RBFOX1: variants seen among roughly 807,000 people sequenced by gnomAD.
The protein encoded by RBFOX1 is RNA binding protein fox-1 homolog 1.
RBFOX1 carries 8 observed loss-of-function variants against 57.7 expected under a neutral mutation model. The observed-to-expected ratio is 0.14, with a 90% CI of 0.08 to 0.25. The LOEUF (loss-of-function observed/expected upper bound fraction) is 0.25. Ranked by LOEUF, RBFOX1 falls within the 10% of genes least tolerant of loss-of-function variation. The pLI is 1.00. For synonymous variants in RBFOX1, 326 were observed against 222.4 expected (o/e 1.47, Z -4.15); for missense variants, 611 against 548.5 (o/e 1.11, Z -1.14).
chr16:6,667,340 G>C (rs1477964175), intron 3 of RBFOX1, among the ~76,000 whole-genome samples: 1 of 152,108 alleles, frequency 6.6e-6, no homozygotes, highest in African/African-American at 2.4e-5. Context: ...CTTGAAGCTG[G>C]CTTTGGGAAG....
At chr16:5,253,593 G>T (rs543597197) in intron 1 of RBFOX1, among the ~76,000 whole-genome samples, 1 of 152,210 alleles carries the variant, frequency 6.6e-6, no homozygotes, top group African/African-American at 2.4e-5. Flanking sequence ...CTCTGAGTCC[G>T]TGGCAGCCTC....
chr16:5,307,380 C>T (rs1356736821), intron 1 of RBFOX1, among the ~76,000 whole-genome samples: 1 of 152,196 alleles, frequency 6.6e-6, no homozygotes, highest in East Asian at 1.9e-4. Context: ...CCATCTTCCC[C>T]TCCCTCCCTC....
intron 1 of RBFOX1, among the ~76,000 whole-genome samples, chr16:6,072,434 C>G (rs955479910): frequency 6.6e-6 from 1 of 152,138 alleles, no homozygotes; most frequent in Non-Finnish European, 1.5e-5. Context: ...TATTTCTTTG[C>G]TATCATGACT....
At chr16:6,642,771 A>AT (rs1186932014) in intron 2 of RBFOX1, among the ~76,000 whole-genome samples, 1 of 152,124 alleles carries the variant, frequency 6.6e-6, no homozygotes, top group Non-Finnish European at 1.5e-5. Flanking sequence ...TTTCCTGCCT[A>AT]AGAAGATATT....
At chr16:6,457,582 C>T (rs973601597) in intron 2 of RBFOX1, among the ~76,000 whole-genome samples, 3 of 152,158 alleles carry the variant, frequency 2.0e-5, no homozygotes, top group Non-Finnish European at 4.4e-5. Context: ...TCCTGCAGTG[C>T]CCCAGGACTC....
intron 4 of RBFOX1, among the ~76,000 whole-genome samples, chr16:7,318,399 T>A (rs1027546457): frequency 6.6e-6 from 1 of 152,012 alleles, no homozygotes; most frequent in Admixed American, 6.6e-5. Flanking sequence ...TGAGAGTGAT[T>A]CTGGTTAGAT....
chr16:5,708,767 G>A (rs1162389873), intron 3 of RBFOX1, among the ~76,000 whole-genome samples: 1 of 152,200 alleles, frequency 6.6e-6, no homozygotes, highest in Admixed American at 6.5e-5. Flanking sequence ...CTGAGCCTGG[G>A]AGAGGGCCAT....
chr16:7,348,734 G>C (rs943722951), intron 4 of RBFOX1, among the ~76,000 whole-genome samples: 1 of 152,172 alleles, frequency 6.6e-6, no homozygotes, highest in African/African-American at 2.4e-5. Context: ...CTGAGGTCAG[G>C]AGTTCAAGAC....
At chr16:6,793,131 G>A (rs1480710082) in intron 3 of RBFOX1, among the ~76,000 whole-genome samples, 1 of 152,056 alleles carries the variant, frequency 6.6e-6, no homozygotes, top group Non-Finnish European at 1.5e-5. Flanking sequence ...GCTGTCACCA[G>A]ATTTGGGTAT....
intron 1 of RBFOX1, among the ~76,000 whole-genome samples, chr16:5,258,376 C>G (rs1456220322): frequency 5.9e-5 from 9 of 151,422 alleles, no homozygotes; most frequent in African/African-American, 1.5e-4. Flanking sequence ...GATATTCACC[C>G]CTATGTAATT....
chr16:6,969,487 C>T (rs768241741), intron 3 of RBFOX1, among the ~76,000 whole-genome samples: 1 of 152,018 alleles, frequency 6.6e-6, no homozygotes, highest in Non-Finnish European at 1.5e-5. Context: ...GTAATCCCAG[C>T]ACTTCAGGAG....
chr16:5,676,433 A>G lies in RBFOX1; in HGVS notation c.318+77472A>G, dbSNP rs539623979. On this transcript the variant is annotated intron_variant, in intron 3 of 19. Coordinates refer to the RBFOX1 transcript ENST00000641259. Reference sequence around the variant, plus strand: ...TTAGGAAGTTAAGAGAGCAGACTCAATCTCACATCTCCCTCTCACTAGCTG... The same window carrying G: ...TTAGGAAGTTAAGAGAGCAGACTCAGTCTCACATCTCCCTCTCACTAGCTG... 8.5e-5 allele frequency among the ~76,000 whole-genome samples: 13 copies of G among 152,326 alleles called. No homozygotes were observed. The East Asian group carries it at 2.1e-3, about 25-fold the overall frequency.
intron 2 of RBFOX1, among the ~76,000 whole-genome samples, chr16:6,492,549 A>G (rs2153140263): frequency 6.6e-6 from 1 of 152,290 alleles, no homozygotes; most frequent in Non-Finnish European, 1.5e-5. Flanking sequence ...AGCCTGGGTG[A>G]CAGAGTGAGA....
intron 4 of RBFOX1, among the ~76,000 whole-genome samples, chr16:5,983,378 A>T (rs1197553021): frequency 1.3e-5 from 2 of 152,192 alleles, no homozygotes; most frequent in Admixed American, 6.5e-5. Context: ...TCCGCGGACA[A>T]ATCTAGTTTT....
intron 4 of RBFOX1, among the ~76,000 whole-genome samples, chr16:7,168,171 G>T (rs980431818): frequency 6.6e-6 from 1 of 152,164 alleles, no homozygotes; most frequent in Non-Finnish European, 1.5e-5. Context: ...ATCAATGATG[G>T]CTTTTCTATG....
rs536451135 is a variant in RBFOX1 at position 7,326,424 on chromosome 16, G to A, written c.28-191723G>A. On this transcript the variant is annotated intron_variant, in intron 4 of 15. Coordinates refer to ENST00000550418, the MANE Select transcript of RBFOX1 (RefSeq NM_018723.4). Reference sequence around the variant, plus strand: ...AGTTTTACTGGGGGGATAATAGAATGGAAGCTCGAACAGCAACATCTGTAT... The same window carrying A: ...AGTTTTACTGGGGGGATAATAGAATAGAAGCTCGAACAGCAACATCTGTAT... 3.3e-5 allele frequency among the ~76,000 whole-genome samples: 5 copies of A among 152,216 alleles called. No homozygotes were observed. In the South Asian group the frequency reaches 8.3e-4, roughly 25 times the overall value.
intron 2 of RBFOX1, among the ~76,000 whole-genome samples, chr16:6,326,714 C>A (rs1222788750): frequency 6.6e-6 from 1 of 151,636 alleles, no homozygotes; most frequent in African/African-American, 2.4e-5. Context: ...TGGCCATGAC[C>A]TACCTGAGTC....
intron 2 of RBFOX1, among the ~76,000 whole-genome samples, chr16:5,586,161 G>A (rs1045516446): frequency 1.3e-4 from 20 of 152,250 alleles, no homozygotes; most frequent in African/African-American, 4.8e-4. Flanking sequence ...CAGAAGTTGG[G>A]GGAGAGGCAG....
intron 9 of RBFOX1, among the ~76,000 whole-genome samples, chr16:7,604,084 T>C (rs945889315): frequency 6.6e-6 from 1 of 152,088 alleles, no homozygotes; most frequent in East Asian, 1.9e-4. Context: ...GGATCACACA[T>C]GGGGTATGAG....
Sources: allele counts gnomAD v4.1 joint callset (sites outside exome capture counted in the v4.1 genomes callset), GRCh38; gene constraint gnomAD v4.1.1; transcripts MANE v1.5; gene names NCBI Gene and HGNC (gene_info 2026-07-23, HGNC 2026-07-21).